GRID1: variants seen among roughly 807,000 people sequenced by gnomAD.
The protein encoded by GRID1 is glutamate receptor ionotropic, delta-1.
A neutral mutation model predicts 98.0 loss-of-function variants in GRID1; 28 were observed. That is an observed-to-expected ratio of 0.29 (90% confidence interval 0.21 to 0.39). The LOEUF (loss-of-function observed/expected upper bound fraction) is 0.39. Among genes scored for constraint, GRID1 ranks in the 10% least tolerant of loss-of-function variants. The pLI, the probability that GRID1 is intolerant of heterozygous loss-of-function variation, is 1.00. For missense variants in GRID1, 1,111 were observed against 1,340.5 expected, an observed-to-expected ratio of 0.83 and a Z score of 2.67; for synonymous variants, 553 against 538.5, an observed-to-expected ratio of 1.03 and a Z score of -0.37.
At chr10:86,363,764 T>C (rs1848636158) in intron 2 of GRID1, among the ~76,000 whole-genome samples, 177 bp downstream of exon 2, 1 of 152,200 alleles carries the variant, frequency 6.6e-6, no homozygotes, top group South Asian at 2.1e-4. Flanking sequence ...CGCAGAGCAG[T>C]CCCGGCGCCG....
At chr10:85,653,846 C>T (rs565688197) in intron 12 of GRID1, among the ~76,000 whole-genome samples, 1 of 152,244 alleles carries the variant, frequency 6.6e-6, no homozygotes, top group East Asian at 1.9e-4. Context: ...GGAGAAGGTG[C>T]ACACCAAATG....
chr10:85,738,426 T>C lies in GRID1; in HGVS notation c.1234-8812A>G, dbSNP rs72841466. 9.7e-3 allele frequency among the ~76,000 whole-genome samples: 1,473 copies of C among 152,268 alleles called. 57 individuals carry two copies. The East Asian group carries it at 0.13, about 14-fold the overall frequency. The stretch of plus-strand genomic sequence containing the variant: ...CTGGCAGGCAAAATCTGCAGCCACA[T>C]TGGAAGACACTTCGGCAATTTCCTA... On this transcript the variant is annotated intron_variant, in intron 8 of 15. Transcript: ENST00000327946.
intron 12 of GRID1, among the ~76,000 whole-genome samples, chr10:85,678,509 C>T (rs115783185): frequency 0.014 from 2,147 of 152,238 alleles, 55 homozygotes; most frequent in African/African-American, 0.049. Context: ...AGGTCTAAAA[C>T]TTGGCTGCTG....
Position 86,222,550 on chromosome 10 carries a change from GCTGGGGAGCAGGC to G in GRID1, c.236-15915_236-15903del, listed in dbSNP as rs573647760. Among the ~76,000 whole-genome samples, 16 of 152,312 alleles carry G rather than the reference GCTGGGGAGCAGGC, an allele frequency of 1.1e-4. No homozygotes were observed. In the East Asian group the frequency reaches 3.1e-3, roughly 29 times the overall value. ...GGCTGAGCTTAGGGGCCACCCAGCA[GCTGGGGAGCAGGC>G]CTGTTCACTGAAAAATGGAGGGGCC... On this transcript the variant is annotated intron_variant, in intron 2 of 15. Transcript: ENST00000327946.
At chr10:85,811,713 T>C (rs1449752238) in intron 8 of GRID1, among the ~76,000 whole-genome samples, 1 of 152,100 alleles carries the variant, frequency 6.6e-6, no homozygotes, top group Non-Finnish European at 1.5e-5. Context: ...GGAAAACCAT[T>C]AAGTGAATAA....
chr10:86,270,750 G>C (rs903184668), intron 2 of GRID1, among the ~76,000 whole-genome samples: 1 of 152,094 alleles, frequency 6.6e-6, no homozygotes, highest in Admixed American at 6.6e-5. Flanking sequence ...GCTAAAGTAA[G>C]AGGAATCTAG....
intron 2 of GRID1, among the ~76,000 whole-genome samples, chr10:86,211,343 C>T (rs1398872921): frequency 1.3e-5 from 2 of 152,182 alleles, no homozygotes; most frequent in Admixed American, 6.5e-5. Context: ...GATAAGGGCC[C>T]CCTGAGAATG....
At chr10:86,247,992 C>G (rs1332332318) in intron 2 of GRID1, among the ~76,000 whole-genome samples, 1 of 152,240 alleles carries the variant, frequency 6.6e-6, no homozygotes, top group Non-Finnish European at 1.5e-5. Context: ...CAGATCCCCC[C>G]ACAACCTCCA....
chr10:85,838,521 A>T (rs1842932225), intron 8 of GRID1, among the ~76,000 whole-genome samples: 1 of 152,236 alleles, frequency 6.6e-6, no homozygotes, highest in South Asian at 2.1e-4. Context: ...ATTCTTAAAG[A>T]AAGAAATTCC....
At chr10:85,979,416 C>A (rs1057157490) in intron 4 of GRID1, among the ~76,000 whole-genome samples, 1 of 152,128 alleles carries the variant, frequency 6.6e-6, no homozygotes, top group Non-Finnish European at 1.5e-5. Flanking sequence ...GTATTATCTC[C>A]CAGTTCTGGA....
chr10:85,665,315 A>C (rs1841007067), intron 12 of GRID1, among the ~76,000 whole-genome samples: 1 of 152,196 alleles, frequency 6.6e-6, no homozygotes, highest in South Asian at 2.1e-4. Context: ...AGTCCTCTAA[A>C]GAGCTACCCT....
rs567295818 is a variant in GRID1, at chr10:85,663,033, T to G, written c.1998-15636A>C. On this transcript the variant is annotated intron_variant, in intron 12 of 15. Coordinates refer to ENST00000327946, the MANE Select transcript of GRID1 (RefSeq NM_017551.3). Reference sequence around the variant, plus strand: ...ATGGAACAGTTCTCCTTCCTAAACATGCGGACAACTCCTCACATTCCACAT... The same window carrying G: ...ATGGAACAGTTCTCCTTCCTAAACAGGCGGACAACTCCTCACATTCCACAT... Among the ~76,000 whole-genome samples the G allele has an allele frequency of 4.6e-5, 7 of 152,282 alleles. No homozygotes were observed. The East Asian group carries it at 5.8e-4, about 13-fold the overall frequency.
chr10:85,795,681 C>T (rs1162714483), intron 8 of GRID1, among the ~76,000 whole-genome samples: 4 of 152,156 alleles, frequency 2.6e-5, no homozygotes, highest in African/African-American at 7.2e-5. Context: ...AGACAGGCAA[C>T]GGCACGTCGA....
intron 2 of GRID1, among the ~76,000 whole-genome samples, chr10:86,281,898 T>C (rs537476555): frequency 6.6e-6 from 1 of 152,060 alleles, no homozygotes; most frequent in East Asian, 1.9e-4. Flanking sequence ...AGGATGGGGG[T>C]AGAGCACTGC....
intron 3 of GRID1, among the ~76,000 whole-genome samples, chr10:86,156,765 AG>A (rs1845251532): frequency 6.6e-6 from 1 of 152,252 alleles, no homozygotes; most frequent in South Asian, 2.1e-4. Flanking sequence ...AGTCATGTCC[AG>A]GTGATCTCAC....
intron 8 of GRID1, among the ~76,000 whole-genome samples, chr10:85,781,721 C>T (rs2132726996): frequency 6.6e-6 from 1 of 151,540 alleles, no homozygotes; most frequent in East Asian, 1.9e-4. Context: ...GCATTTTACA[C>T]AGAGGACAGT....
chr10:86,314,241 C>T (rs1016884790), intron 2 of GRID1, among the ~76,000 whole-genome samples: 4 of 152,210 alleles, frequency 2.6e-5, no homozygotes, highest in African/African-American at 9.6e-5. Context: ...GTGCTCAGGG[C>T]CTGAGCTGCT....
intron 4 of GRID1, among the ~76,000 whole-genome samples, chr10:86,063,893 C>A (rs148543369): frequency 6.6e-6 from 1 of 152,192 alleles, no homozygotes; most frequent in African/African-American, 2.4e-5. Flanking sequence ...TACTGTCAGG[C>A]CTAAGTATAG....
In GRID1 at chr10:86,153,598, G is replaced by C. The variant is rs150242472; in HGVS notation, c.521-14574C>G. 9.2e-4 allele frequency among the ~76,000 whole-genome samples: 140 copies of C among 152,262 alleles called. 1 individual carries two copies. The highest frequency in any genetic ancestry group is 3.1e-3 in the African/African-American group (127 of 41,534). ...CATCATGCTGCTCAAGATGGGGCTGGTGGTCAGCAGAGGCCAGGAGCTCTG... is the reference window on the plus strand; with the variant it reads ...CATCATGCTGCTCAAGATGGGGCTGCTGGTCAGCAGAGGCCAGGAGCTCTG... On this transcript the variant is annotated intron_variant, in intron 3 of 15. Transcript: ENST00000327946.
Sources: allele counts gnomAD v4.1 joint callset (sites outside exome capture counted in the v4.1 genomes callset), GRCh38; gene constraint gnomAD v4.1.1; transcripts MANE v1.5; gene names NCBI Gene and HGNC (gene_info 2026-07-23, HGNC 2026-07-21).